Variants in SORL1 observed in about 807,000 individuals in gnomAD.
SORL1 encodes the protein sortilin related receptor 1, also known as sortilin-related receptor.
Under a neutral mutation model 273.7 loss-of-function variants are expected in SORL1, and 127 were observed. That is an observed-to-expected ratio of 0.46 (90% CI 0.40 to 0.54). The LOEUF (loss-of-function observed/expected upper bound fraction) is 0.54. SORL1 is among the 20% of genes least tolerant of loss of function. The pLI is 0.00. For synonymous variants in SORL1, 1,031 were observed against 1,067.4 expected (o/e 0.97, Z 0.66); for missense variants, 2,494 against 2,846.1 (o/e 0.88, Z 2.81).
intron 23 of SORL1, 77 bp from the exon 24 acceptor site, chr11:121,574,164 G>T: frequency 2.8e-6 from 4 of 1,427,874 alleles, no homozygotes; most frequent in African/African-American, 1.4e-5. Context: ...TTTTTAATTG[G>T]TTTTCCAGTA....
intron 3 of SORL1, among the ~76,000 whole-genome samples, chr11:121,478,795 T>TCC (rs1007133543): frequency 6.6e-5 from 10 of 151,818 alleles, no homozygotes; most frequent in African/African-American, 1.9e-4. Context: ...TGCGCGTGAG[T>TCC]ACCTTTGTGT....
chr11:121,545,454 G>T (rs1285161814), intron 14 of SORL1, 25 bp downstream of exon 14: 1 of 1,610,694 alleles, frequency 6.2e-7, no homozygotes, highest in Non-Finnish European at 8.5e-7. Flanking sequence ...GATGGCTGGG[G>T]ACTGAGTTGT....
In SORL1 at chr11:121,595,586, A is replaced by G; in HGVS notation, c.4370-37A>G. 1 of 1,537,414 alleles carries G rather than the reference A, an allele frequency of 6.5e-7. No homozygotes were observed. The highest frequency in any genetic ancestry group is 8.8e-7 in the Non-Finnish European group (1 of 1,140,046). ...TTGCTGTTATTGGCCAGCTCCCTCA[A>G]TATTAAAAAGTAAATTTTAAAAATC... On this transcript the variant is annotated intron_variant, in intron 31 of 47. Coordinates refer to ENST00000260197, the MANE Select transcript of SORL1 (RefSeq NM_003105.6). The surrounding 1 kb of genome is among the most constrained non-coding windows in gnomAD (Gnocchi z 5.1).
At chr11:121,504,193 C>T (rs1861754617) in intron 6 of SORL1, among the ~76,000 whole-genome samples, 1 of 152,190 alleles carries the variant, frequency 6.6e-6, no homozygotes, top group Non-Finnish European at 1.5e-5. Context: ...GTGGGCGGAT[C>T]ACGAGGCCAG....
chr11:121,514,196 T>C lies in SORL1; in HGVS notation c.1086T>C (p.Cys362=), dbSNP rs1201233741. Residue 362 remains cysteine (C), a synonymous_variant, in exon 8 of 48, where the codon TGT becomes TGC. Transcript: ENST00000260197. ...CCTCCGAGGACCAGGTGTTTGTGTG[T>C]GTCAGCCACAGTAACAACCGCACCA... The part of the protein sequence containing the change: ...ADASEDQVFV[C]VSHSNNRTNL... 1.2e-6 allele frequency: 2 copies of C among 1,614,080 alleles called. No homozygotes were observed. Among genetic ancestry groups the C allele is most frequent in the Non-Finnish European group, 1.7e-6 (2 of 1,180,024 alleles).
At chr11:121,472,372 T>G (rs899523984) in intron 2 of SORL1, among the ~76,000 whole-genome samples, 9 of 152,212 alleles carry the variant, frequency 5.9e-5, no homozygotes, top group Non-Finnish European at 1.2e-4. Context: ...AAGCATTGTT[T>G]TATAGTTTTG....
intron 8 of SORL1, among the ~76,000 whole-genome samples, chr11:121,516,789 C>T (rs927820200): frequency 6.6e-6 from 1 of 152,100 alleles, no homozygotes; most frequent in African/African-American, 2.4e-5. Flanking sequence ...CATGGTGGCT[C>T]ACGCCTGTAA....
intron 21 of SORL1, among the ~76,000 whole-genome samples, chr11:121,562,192 G>A (rs1474751980): frequency 2.0e-5 from 3 of 151,936 alleles, no homozygotes; most frequent in Admixed American, 2.0e-4. Flanking sequence ...ATCAAGCAAG[G>A]GCCTGAATAT....
rs780292381 is a variant in SORL1, at chr11:121,586,266, C to T, written c.3751C>T (p.Pro1251Ser). The T allele has an allele frequency of 1.2e-6, 2 of 1,614,078 alleles. No homozygotes were observed. Among genetic ancestry groups the T allele is most frequent in the African/African-American group, 1.3e-5 (1 of 75,032 alleles). ...CCGCTGCCCAAACGGCACTTGCATCCCATCCAGCAAACATTGTGATGGTCT... is the reference window on the plus strand; with the variant it reads ...CCGCTGCCCAAACGGCACTTGCATCTCATCCAGCAAACATTGTGATGGTCT... ...GFRCPNGTCI[P>S]SSKHCDGLRD... The change falls in exon 27 of 48, where the codon CCA becomes TCA. Residue 1251 changes from proline to serine, a missense_variant. Transcript: ENST00000260197.
chr11:121,476,696 C>T (rs973337329), intron 2 of SORL1, among the ~76,000 whole-genome samples: 1 of 150,214 alleles, frequency 6.7e-6, no homozygotes, highest in African/African-American at 2.5e-5. Context: ...CCTTCCTTCC[C>T]TCCCTCCCTT....
At chr11:121,556,990 A>T (rs1591325810) in intron 18 of SORL1, 2 of 300,112 alleles carry the variant, frequency 6.7e-6, no homozygotes, top group East Asian at 1.4e-4. Flanking sequence ...TGGTGAAATA[A>T]GTAAATGCTC....
intron 1 of SORL1, among the ~76,000 whole-genome samples, chr11:121,466,142 T>C (rs940333062): frequency 1.3e-5 from 2 of 152,144 alleles, no homozygotes; most frequent in African/African-American, 4.8e-5. Flanking sequence ...CTCCAATTAA[T>C]TGTGTCTCAT....
intron 8 of SORL1, among the ~76,000 whole-genome samples, chr11:121,517,126 G>A (rs1432574123): frequency 6.6e-6 from 1 of 152,140 alleles, no homozygotes; most frequent in Non-Finnish European, 1.5e-5. Context: ...GCAATTCAGT[G>A]GCATTCAATA....
At chr11:121,502,887 G>C (rs1460061289) in intron 6 of SORL1, among the ~76,000 whole-genome samples, 1 of 150,734 alleles carries the variant, frequency 6.6e-6, no homozygotes, top group Non-Finnish European at 1.5e-5. Flanking sequence ...TTATTTTTTT[G>C]AGTTGGGGGT....
At chr11:121,608,409 A>G in intron 38 of SORL1, 1 of 490,804 alleles carries the variant, frequency 2.0e-6, no homozygotes, top group Non-Finnish European at 3.6e-6. Context: ...TAATGCAGAC[A>G]TACAAAGGGA....
chr11:121,512,972 A>AT lies in SORL1; in HGVS notation c.940-29dup, dbSNP rs750508142. 2.7e-6 allele frequency: 4 copies of AT among 1,476,590 alleles called. No homozygotes were observed. In the East Asian group the frequency reaches 9.1e-5, roughly 33 times the overall value. The allele number at this position is 1,476,590 out of a possible 1,614,324, so 91.5% of individuals were successfully genotyped here. A position where few individuals can be genotyped will look rare whatever the true frequency, so the allele number is the denominator to read the frequency against. ...TTTTGAATGACTGTAATGTGGCACC[A>AT]TTAATTTTTTTTTCTCCTCTTCCTT... On this transcript the variant is annotated intron_variant, in intron 6 of 47. Coordinates refer to ENST00000260197, the MANE Select transcript of SORL1 (RefSeq NM_003105.6).
intron 1 of SORL1, among the ~76,000 whole-genome samples, chr11:121,461,314 G>A (rs1054971914): frequency 2.6e-5 from 4 of 152,162 alleles, no homozygotes; most frequent in Admixed American, 1.3e-4. Context: ...AATCTCTAGA[G>A]GAGAAAAATG....
chr11:121,555,413 A>G (rs1048260167), intron 18 of SORL1, 95 bp downstream of exon 18: 2 of 1,475,624 alleles, frequency 1.4e-6, no homozygotes, highest in African/African-American at 1.4e-5. Flanking sequence ...CCAGTGTGTC[A>G]GATTACTCAG....
At chr11:121,527,798 G>A (rs780506397) in intron 11 of SORL1, among the ~76,000 whole-genome samples, 5 of 152,030 alleles carry the variant, frequency 3.3e-5, no homozygotes, top group Admixed American at 2.6e-4. Flanking sequence ...TCTTTTTAAT[G>A]TCTGTAGGAT....
Sources: gnomAD v4.1 joint callset for allele counts (sites outside exome capture counted in the v4.1 genomes callset) on GRCh38, gnomAD v4.1.1 for gene constraint, Gnocchi (gnomAD v3.1) non-coding constraint, MANE v1.5 for transcripts, NCBI Gene and HGNC (gene_info 2026-07-23, HGNC 2026-07-21) for gene names.